RELN: variants seen among roughly 807,000 people sequenced by gnomAD.
RELN encodes the protein reelin.
A neutral mutation model predicts 427.6 loss-of-function variants in RELN; 108 were observed. The observed-to-expected ratio is 0.25, with a 90% CI of 0.22 to 0.30. The LOEUF (loss-of-function observed/expected upper bound fraction) is 0.30, where lower values mean the gene tolerates loss of function less well. RELN is among the 10% of genes least tolerant of loss of function. The pLI, the probability that RELN is intolerant of heterozygous loss-of-function variation, is 1.00. For missense variants in RELN, 3,715 were observed against 4,302.8 expected (o/e 0.86, Z 3.82); for synonymous variants, 1,524 against 1,513.4 (o/e 1.01, Z -0.16).
chr7:103,540,324 T>C lies in RELN; in HGVS notation c.6803A>G (p.Asn2268Ser), dbSNP rs777549770. 6.2e-7 allele frequency: 1 copy of C among 1,613,982 alleles called. No homozygotes were observed. Among genetic ancestry groups the C allele is most frequent in the African/African-American group, 1.3e-5 (1 of 74,874 alleles). The stretch of plus-strand genomic sequence containing the variant: ...AATGTACCTGCCCACATTGCTGGAA[T>C]TGCTGAAAAGGAACTCCTGAAGAAG... ...WSLLQEFLFS[N>S]SSNVGRYIAL... The change falls in exon 44 of 65, where the codon AAT becomes AGT. Residue 2268 changes from asparagine (N) to serine (S), a missense_variant. Physicochemically the swap from Asn to Ser is conservative, Grantham distance 46. This residue lies in a region of RELN where 1,310 missense variants were observed against 1,643.0 expected (regional missense o/e 0.80). Transcript: ENST00000428762.
intron 43 of RELN, among the ~76,000 whole-genome samples, chr7:103,542,419 C>T (rs1163717985): frequency 2.6e-5 from 4 of 152,170 alleles, no homozygotes; most frequent in Admixed American, 6.5e-5. Context: ...AAAGAAGACA[C>T]AATATTTTAT....
At position 103,904,287 on chromosome 7, in the gene RELN, G is replaced by A. The variant is rs1050093942; in HGVS notation, c.337+12788C>T. 2.0e-5 allele frequency among the ~76,000 whole-genome samples: 3 copies of A among 152,058 alleles called. No homozygotes were observed. The East Asian group carries it at 5.8e-4, about 29-fold the overall frequency. ...GCATTTGGGCTGGTTCCATGTCTTT[G>A]CTATTGTAAATAGTGCTGCAATAAA... On this transcript the variant is annotated intron_variant, in intron 2 of 64. Transcript: ENST00000428762.
intron 1 of RELN, among the ~76,000 whole-genome samples, chr7:103,982,989 T>C (rs35015369): frequency 0.52 from 79,572 of 152,082 alleles, 20,929 homozygotes; most frequent in African/African-American, 0.58. Context: ...GTTTTCAACA[T>C]AAAGTTTTAT....
At chr7:103,609,647 C>A (rs1056855562) in intron 22 of RELN, among the ~76,000 whole-genome samples, 1 of 152,000 alleles carries the variant, frequency 6.6e-6, no homozygotes, top group African/African-American at 2.4e-5. Flanking sequence ...ATCAAATAGG[C>A]ATTTTTACAT....
At chr7:103,596,699 G>C in intron 24 of RELN, 38 bp from the exon 25 acceptor site, 1 of 1,571,008 alleles carries the variant, frequency 6.4e-7, no homozygotes. Flanking sequence ...CAGTAATCTG[G>C]GAGTTCTTTG....
Position 103,566,329 on chromosome 7 carries a change from C to T in RELN, c.4831G>A (p.Asp1611Asn), listed in dbSNP as rs1187584845. ...SSQTGFQDKF[D>N]GSIDLQANWY... ...TTGGCTTGCAAATCTATAGAGCCATCAAATTTGTCTTGAAATCCAGTTTGA... is the reference window on the plus strand; with the variant it reads ...TTGGCTTGCAAATCTATAGAGCCATTAAATTTGTCTTGAAATCCAGTTTGA... The change falls in exon 33 of 65, where the codon GAT (aspartate) becomes AAT (asparagine). Residue 1611 changes from aspartate (D) to asparagine (N), a missense_variant. Coordinates refer to ENST00000428762, the MANE Select transcript of RELN (RefSeq NM_005045.4). The T allele has an allele frequency of 1.9e-6, 3 of 1,614,074 alleles. No homozygotes were observed. Among genetic ancestry groups the T allele is most frequent in the Non-Finnish European group, 2.5e-6 (3 of 1,179,990 alleles).
chr7:103,539,486 C>T (rs1830129634), intron 44 of RELN, 159 bp from the exon 45 acceptor site: 1 of 694,392 alleles, frequency 1.4e-6, no homozygotes, highest in African/African-American at 1.8e-5. Flanking sequence ...TCAGAATGCT[C>T]TTGTTTATGT....
At chr7:103,927,236 C>T (rs1243279671) in intron 1 of RELN, among the ~76,000 whole-genome samples, 2 of 152,110 alleles carry the variant, frequency 1.3e-5, no homozygotes, top group African/African-American at 4.8e-5. Flanking sequence ...TAAAGTGCCA[C>T]TCGATACTGA....
chr7:103,483,566 C>T, intron 62 of RELN, 87 bp downstream of exon 62: 1 of 1,408,270 alleles, frequency 7.1e-7, no homozygotes, highest in South Asian at 1.2e-5. Flanking sequence ...ATTAACTTTA[C>T]CCAACTTCTA....
chr7:103,584,922 T>C lies in RELN; in HGVS notation c.4145+4674A>G, dbSNP rs114698064. Among the ~76,000 whole-genome samples, 687 of 152,166 alleles carry C rather than the reference T, an allele frequency of 4.5e-3. 5 individuals carry two copies. The highest frequency in any genetic ancestry group is 0.015 in the African/African-American group (639 of 41,518). On this transcript the variant is annotated intron_variant, in intron 28 of 64. Transcript: ENST00000428762. ...ATACCAAGAGGAACTCTCAAAACTA[T>C]ATAAATTACATGGAAACTAAACAAC... is the stretch of plus-strand genomic sequence containing the variant.
rs1797158110 is a variant in RELN at position 103,988,858 on chromosome 7, A to G, written c.226+273T>C. 6.6e-6 allele frequency among the ~76,000 whole-genome samples: 1 copy of G among 152,196 alleles called. No individual in the cohort carries two copies. The highest frequency in any genetic ancestry group is 2.1e-4 in the South Asian group (1 of 4,828). On this transcript the variant is annotated intron_variant, in intron 1 of 64. Transcript: ENST00000428762. The surrounding 1 kb of genome is among the most constrained non-coding windows in gnomAD (Gnocchi z 4.9). ...TAAGTACGGGGAGTGAGGGGGAAAG[A>G]CACCGGCCTCCAAGAATTCTCAGGC...
At chr7:103,772,914 G>A (rs1293120389) in intron 4 of RELN, among the ~76,000 whole-genome samples, 1 of 152,122 alleles carries the variant, frequency 6.6e-6, no homozygotes, top group East Asian at 1.9e-4. Flanking sequence ...GTTTTAAGCA[G>A]GCAAATGAAA....
intron 6 of RELN, among the ~76,000 whole-genome samples, chr7:103,739,504 T>C (rs183714404): frequency 2.4e-4 from 36 of 152,312 alleles, no homozygotes; most frequent in Non-Finnish European, 4.7e-4. Context: ...ATTCATTCAT[T>C]TGTGCTCTCC....
intron 1 of RELN, among the ~76,000 whole-genome samples, chr7:103,960,204 T>C (rs891822923): frequency 1.2e-4 from 19 of 152,296 alleles, no homozygotes; most frequent in African/African-American, 4.6e-4. Flanking sequence ...CATTATTGGC[T>C]CTGTCCTTCC....
intron 11 of RELN, among the ~76,000 whole-genome samples, chr7:103,679,759 T>G (rs1472458674): frequency 1.3e-5 from 2 of 152,204 alleles, no homozygotes; most frequent in African/African-American, 4.8e-5. Flanking sequence ...CTTATATTAT[T>G]TGTGCTCTAT....
At chr7:103,610,306 A>G (rs1404499294) in intron 22 of RELN, among the ~76,000 whole-genome samples, 1 of 152,196 alleles carries the variant, frequency 6.6e-6, no homozygotes, top group Non-Finnish European at 1.5e-5. Flanking sequence ...ATACAAAAGT[A>G]AGGGTTTGCA....
Position 103,490,841 on chromosome 7 carries a change from A to G in RELN, c.9444-12T>C, listed in dbSNP as rs1204623310. ...GCCAGGAATCCGATCTGCAGAAACC[A>G]AAAGGCTTTGTTAGACAAATTGTAA... On this transcript the variant is annotated splice_polypyrimidine_tract_variant and intron_variant, in intron 58 of 64. Coordinates refer to ENST00000428762, the MANE Select transcript of RELN (RefSeq NM_005045.4). 3.7e-6 allele frequency: 6 copies of G among 1,613,942 alleles called. No individual in the cohort carries two copies. Among genetic ancestry groups the G allele is most frequent in the Non-Finnish European group, 5.1e-6 (6 of 1,179,930 alleles).
intron 2 of RELN, among the ~76,000 whole-genome samples, chr7:103,869,358 T>C (rs1199030099): frequency 2.6e-5 from 4 of 152,114 alleles, no homozygotes; most frequent in African/African-American, 9.7e-5. Flanking sequence ...TTTATACCTT[T>C]TTTTACTTCA....
intron 19 of RELN, among the ~76,000 whole-genome samples, chr7:103,633,318 A>G (rs1832510561): frequency 6.6e-6 from 1 of 152,122 alleles, no homozygotes; most frequent in Admixed American, 6.5e-5. Flanking sequence ...AGATATATTT[A>G]ACTTTCTTAT....
Sources: allele counts gnomAD v4.1 joint callset (sites outside exome capture counted in the v4.1 genomes callset), GRCh38; gene constraint gnomAD v4.1.1; regional missense constraint gnomAD v4.1.1; non-coding constraint Gnocchi (gnomAD v3.1); transcripts MANE v1.5; gene names NCBI Gene and HGNC (gene_info 2026-07-23, HGNC 2026-07-21).